SLC8B1: variants seen among roughly 807,000 people sequenced by gnomAD.
The protein encoded by SLC8B1 is mitochondrial sodium/calcium exchanger protein.
In SLC8B1, 52 loss-of-function variants were observed where a neutral mutation model predicts 63.4. The observed-to-expected ratio is 0.82, with a 90% CI of 0.66 to 1.03. The LOEUF is 1.03. SLC8B1 is among the 50% of genes least tolerant of loss of function. The probability of loss-of-function intolerance (pLI) is 0.00; values close to 1 mark genes in which losing one functional copy is unlikely to be tolerated. For missense variants in SLC8B1, 657 were observed against 741.7 expected (o/e 0.89, Z 1.33); for synonymous variants, 336 against 323.9 (o/e 1.04, Z -0.40).
At chr12:113,317,085 A>G in intron 8 of SLC8B1, 84 bp from the exon 9 acceptor site, 2 of 1,165,904 alleles carry the variant, frequency 1.7e-6, no homozygotes, top group Admixed American at 2.0e-5. Context: ...TAGGGGTGCA[A>G]GTGTTCAGGC....
At chr12:113,300,262 G>C (rs753691359) in intron 15 of SLC8B1, among the ~76,000 whole-genome samples, 2 of 152,210 alleles carry the variant, frequency 1.3e-5, no homozygotes, top group Non-Finnish European at 1.5e-5. Context: ...TGGATCACCT[G>C]AGGTCAGGAG....
rs1205148379 is a variant in SLC8B1 at position 113,307,809 on chromosome 12, C to T, written c.1293G>A (p.Leu431=). 3.7e-6 allele frequency: 6 copies of T among 1,613,512 alleles called. No homozygotes were observed. The South Asian group carries it at 6.6e-5, about 18-fold the overall frequency. The change falls in exon 13 of 16, where the codon CTG becomes CTA. Residue 431 remains leucine (L), a synonymous_variant. Transcript: ENST00000680972. ...FAFLGFLTSA[L]WINAAATEVV... is the part of the protein sequence containing the mutation. Reference sequence around the variant, plus strand: ...CCTCTGTGGCGGCCGCGTTGATCCACAGGGCGCTGGTCAGAAAGCCCAGGA... The same window carrying T: ...CCTCTGTGGCGGCCGCGTTGATCCATAGGGCGCTGGTCAGAAAGCCCAGGA...
Position 113,332,741 on chromosome 12 carries a change from G to A in SLC8B1, c.138C>T (p.Asn46=), listed in dbSNP as rs267603317. The change falls in exon 2 of 16, where the codon AAC becomes AAT. Residue 46 remains asparagine (N), a synonymous_variant. Coordinates refer to ENST00000680972, the MANE Select transcript of SLC8B1 (RefSeq NM_001358345.2). ...TACTCACGTCTACCACGGGGGTCTG[G>A]TTCACACCTGAAGCTGGAAACTGGG... The part of the protein sequence containing the change: ...ISPQFPASGV[N]QTPVVDCRKV... 1 of 1,614,028 alleles carries A rather than the reference G, an allele frequency of 6.2e-7. No homozygotes were observed. Among genetic ancestry groups the A allele is most frequent in the African/African-American group, 1.3e-5 (1 of 75,044 alleles).
Position 113,310,440 on chromosome 12 carries a change from C to T in SLC8B1, c.1136-85G>A, listed in dbSNP as rs75062378. 6,443 of 1,526,098 alleles carry T rather than the reference C, an allele frequency of 4.2e-3. 249 individuals are homozygous for T. In the East Asian group the frequency reaches 0.096, roughly 23 times the overall value. The allele number at this position is 1,526,098 out of a possible 1,614,324, so 94.5% of individuals were successfully genotyped here. A position where few individuals can be genotyped will look rare whatever the true frequency, so the allele number is the denominator to read the frequency against. On this transcript the variant is annotated intron_variant, in intron 11 of 15. Coordinates refer to ENST00000680972, the MANE Select transcript of SLC8B1 (RefSeq NM_001358345.2). Reference sequence around the variant, plus strand: ...GGACTATTTGGATGTCAGGTAGACACTTCCTATCTGCCCAGCCCTGTCCTA... The same window carrying T: ...GGACTATTTGGATGTCAGGTAGACATTTCCTATCTGCCCAGCCCTGTCCTA...
Position 113,299,702 on chromosome 12 carries a change from C to A in SLC8B1, c.*75G>T. ...CCACAAGGGCCTTGCAGAAATGCTC[C>A]GGTCCCTGGGCCTCCCCCGGCAGGA... On this transcript the variant is annotated 3_prime_UTR_variant, in exon 16 of 16. Transcript: ENST00000680972. 1 of 1,473,902 alleles carries A rather than the reference C, an allele frequency of 6.8e-7. No individual in the cohort carries two copies. Among genetic ancestry groups the A allele is most frequent in the South Asian group, 1.1e-5 (1 of 87,256 alleles). The allele number at this position is 1,473,902 out of a possible 1,614,324, so 91.3% of individuals were successfully genotyped here. A position where few individuals can be genotyped will look rare whatever the true frequency, so the allele number is the denominator to read the frequency against.
Position 113,320,678 on chromosome 12 carries a change from G to C in SLC8B1, c.429C>G (p.Thr143=). ...LKLSHNVAGV[T]FLAFGNGAPD... is the part of the protein sequence containing the mutation. ...GTGCACCATTCCCAAATGCCAGGAA[G>C]GTGACGCCATGTGGGGAGCATGTCA... Residue 143 remains threonine (T), a synonymous_variant, in exon 6 of 16, where the codon ACC becomes ACG. Coordinates refer to ENST00000680972, the MANE Select transcript of SLC8B1 (RefSeq NM_001358345.2). The surrounding 1 kb of genome is among the most constrained non-coding windows in gnomAD (Gnocchi z 5.3). 6 of 1,613,738 alleles carry C rather than the reference G, an allele frequency of 3.7e-6. No homozygotes were observed. The highest frequency in any genetic ancestry group is 5.1e-6 in the Non-Finnish European group (6 of 1,179,890).
At chr12:113,300,283 ATTGGCCAGGAG>A (rs918886752) in intron 15 of SLC8B1, among the ~76,000 whole-genome samples, 1 of 152,092 alleles carries the variant, frequency 6.6e-6, no homozygotes, top group African/African-American at 2.4e-5. Context: ...TTCGACCTGT[ATTGGCCAGGAG>A]TTCGAGACCA....
At position 113,310,264 on chromosome 12, in the gene SLC8B1, T is replaced by C. The variant is rs756735112; in HGVS notation, c.1227A>G (p.Thr409=). 5.2e-5 allele frequency: 84 copies of C among 1,614,032 alleles called. No individual in the cohort carries two copies. The South Asian group carries it at 8.5e-4, about 16-fold the overall frequency. ...TALASVTFFA[T]SDSQPPRLHW... is the part of the protein sequence containing the mutation. ...GAAGCCTGGGGGGCTGGCTGTCAGA[T>C]GTGGCAAAAAAGGTCACTGAAGCCA... is the stretch of plus-strand genomic sequence containing the variant. The change falls in exon 12 of 16, where the codon ACA becomes ACG. Residue 409 remains threonine, a synonymous_variant. Transcript: ENST00000680972.
Position 113,320,457 on chromosome 12 carries a change from T to A in SLC8B1, c.568A>T (p.Thr190Ser). 1 of 1,614,122 alleles carries A rather than the reference T, an allele frequency of 6.2e-7. No homozygotes were observed. Among genetic ancestry groups the A allele is most frequent in the South Asian group, 1.1e-5 (1 of 91,078 alleles). The change falls in exon 7 of 16, where the codon ACC (threonine) becomes TCC (serine). Residue 190 changes from threonine to serine, a missense_variant. Thr to Ser is a moderately conservative substitution (Grantham distance 58). Coordinates refer to ENST00000680972, the MANE Select transcript of SLC8B1 (RefSeq NM_001358345.2). The surrounding 1 kb of genome is among the most constrained non-coding windows in gnomAD (Gnocchi z 5.3). ...GCAGCCATGAAGGGGTGTAGGATGG[T>A]AATGCCTCCGGCCACCACTGTGGTA... ...LVTTVVAGGI[T>S]ILHPFMAASR... is the part of the protein sequence containing the mutation.
intron 8 of SLC8B1, among the ~76,000 whole-genome samples, chr12:113,317,649 G>A (rs1956851344): frequency 6.6e-6 from 1 of 152,226 alleles, no homozygotes; most frequent in African/African-American, 2.4e-5. Context: ...GTATGGAGGG[G>A]CCTGAAAGGA....
At chr12:113,317,789 ATG>A (rs1439762216) in intron 8 of SLC8B1, among the ~76,000 whole-genome samples, 1 of 151,182 alleles carries the variant, frequency 6.6e-6, no homozygotes, top group African/African-American at 2.4e-5. Flanking sequence ...TGTGTTGTGT[ATG>A]TGAGTGTATT....
chr12:113,304,401 G>C lies in SLC8B1; in HGVS notation c.1493-16C>G. ...ACGAGGATGTCTGCAGCCCAGCTCA[G>C]GAAGCTTTGCTGGAATGGCCTGCAC... is the stretch of plus-strand genomic sequence containing the variant. On this transcript the variant is annotated splice_polypyrimidine_tract_variant and intron_variant, in intron 14 of 15. Transcript: ENST00000680972. 6.2e-7 allele frequency: 1 copy of C among 1,613,260 alleles called. No homozygotes were observed. Among genetic ancestry groups the C allele is most frequent in the African/African-American group, 1.3e-5 (1 of 75,038 alleles).
In SLC8B1 at chr12:113,320,250, A is replaced by G. The variant is rs1485254975; in HGVS notation, c.694+81T>C. On this transcript the variant is annotated intron_variant, in intron 7 of 15. Coordinates refer to ENST00000680972, the MANE Select transcript of SLC8B1 (RefSeq NM_001358345.2). The surrounding 1 kb of genome is among the most constrained non-coding windows in gnomAD (Gnocchi z 5.3). ...TCAAAGCCCCCACTGACCACCCCTC[A>G]CACCTCTCTGTCCCAGGCACCTCCT... The G allele has an allele frequency of 6.6e-6, 10 of 1,508,506 alleles. No homozygotes were observed. In the East Asian group the frequency reaches 2.3e-4, roughly 34 times the overall value. 93.4% of individuals were successfully genotyped at this position (1,508,506 alleles called of 1,614,324 possible).
intron 1 of SLC8B1, among the ~76,000 whole-genome samples, chr12:113,333,403 C>T (rs776107376): frequency 6.6e-6 from 1 of 152,210 alleles, no homozygotes; most frequent in Non-Finnish European, 1.5e-5. Context: ...CAGTTTGAGA[C>T]GTAGAGAGGC....
At position 113,306,526 on chromosome 12, in the gene SLC8B1, C is replaced by T. The variant is rs952785417; in HGVS notation, c.1461G>A (p.Ala487=). 2.8e-5 allele frequency: 45 copies of T among 1,613,692 alleles called. No homozygotes were observed. The highest frequency in any genetic ancestry group is 3.1e-5 in the Non-Finnish European group (36 of 1,179,832). Residue 487 remains alanine, a synonymous_variant, in exon 14 of 16, where the codon GCG becomes GCA. Coordinates refer to ENST00000680972, the MANE Select transcript of SLC8B1 (RefSeq NM_001358345.2). The part of the protein sequence containing the change: ...TLARQGYPRM[A]FSACFGGIIF... ...TGATGCCGCCAAAGCAGGCGGAGAA[C>T]GCCATCCGTGGGTAGCCCTGGCGAG...
chr12:113,320,952 C>T lies in SLC8B1; in HGVS notation c.363-45G>A, dbSNP rs1191408057. On this transcript the variant is annotated intron_variant, in intron 4 of 15. Coordinates refer to ENST00000680972, the MANE Select transcript of SLC8B1 (RefSeq NM_001358345.2). The surrounding 1 kb of genome is among the most constrained non-coding windows in gnomAD (Gnocchi z 5.3). ...GGGAAGCATTTCCGTAGTAACCGGC[C>T]CCGGACCCCTATCCTTCCCCCAAAC... 3.1e-6 allele frequency: 5 copies of T among 1,591,702 alleles called. No homozygotes were observed. The Admixed American group carries it at 9.3e-5, about 29-fold the overall frequency.
intron 15 of SLC8B1, among the ~76,000 whole-genome samples, chr12:113,303,346 T>A (rs1257275715): frequency 6.6e-6 from 1 of 152,144 alleles, no homozygotes; most frequent in African/African-American, 2.4e-5. Flanking sequence ...GCATGGCCAG[T>A]GTGAAAGAAA....
chr12:113,300,043 CACA>C, intron 15 of SLC8B1, 69 bp from the exon 16 acceptor site: 1 of 1,389,826 alleles, frequency 7.2e-7, no homozygotes, highest in Non-Finnish European at 1.0e-6. Flanking sequence ...CTGTGGCCAA[CACA>C]ACAATGCAGC....
chr12:113,311,284 T>C (rs1956756897), intron 11 of SLC8B1, among the ~76,000 whole-genome samples: 1 of 152,160 alleles, frequency 6.6e-6, no homozygotes, highest in Non-Finnish European at 1.5e-5. Flanking sequence ...ACCCCGTCTC[T>C]ACTAAAAATA....
Sources: gnomAD v4.1 joint callset for allele counts (sites outside exome capture counted in the v4.1 genomes callset) on GRCh38, gnomAD v4.1.1 for gene constraint, Gnocchi (gnomAD v3.1) non-coding constraint, MANE v1.5 for transcripts, NCBI Gene and HGNC (gene_info 2026-07-23, HGNC 2026-07-21) for gene names.